Variants in NKAIN4 observed in about 807,000 individuals in gnomAD.
The protein encoded by NKAIN4 is sodium/potassium-transporting ATPase subunit beta-1-interacting protein 4.
In NKAIN4, 28 loss-of-function variants were observed where a neutral mutation model predicts 28.8. That is an observed-to-expected ratio of 0.97 (90% CI 0.72 to 1.33). NKAIN4 has a LOEUF of 1.33. Among genes scored for constraint, NKAIN4 ranks in the 40% most tolerant of loss-of-function variants. The probability of loss-of-function intolerance (pLI) is 0.00; values close to 1 mark genes in which losing one functional copy is unlikely to be tolerated. For missense variants in NKAIN4, 289 were observed against 277.2 expected, an observed-to-expected ratio of 1.04 and a Z score of -0.30; for synonymous variants, 122 against 115.6, an observed-to-expected ratio of 1.06 and a Z score of -0.36.
chr20:63,249,929 A>T lies in NKAIN4; in HGVS notation c.192+6T>A. The stretch of plus-strand genomic sequence containing the variant: ...GCCCATAAAGAGGGCCGGGCCCAGG[A>T]CTCACCACCATGACATAGCGCAGCC... On this transcript the variant is annotated splice_donor_region_variant and intron_variant, in intron 2 of 6. Coordinates refer to ENST00000370316, the MANE Select transcript of NKAIN4 (RefSeq NM_152864.4). The T allele has an allele frequency of 1.2e-6, 2 of 1,611,716 alleles. No homozygotes were observed. The highest frequency in any genetic ancestry group is 1.7e-6 in the Non-Finnish European group (2 of 1,179,104).
chr20:63,244,416 G>A (rs2066819030), intron 4 of NKAIN4: 1 of 504,654 alleles, frequency 2.0e-6, no homozygotes, highest in Admixed American at 2.3e-5. Context: ...AGCCCAGGCT[G>A]GATGAACCCC....
In NKAIN4 at chr20:63,247,573, C is replaced by T. The variant is rs2066882278; in HGVS notation, c.471+5G>A. ...CCACCCGGGGGCCCCCTTCCCCACG[C>T]TCACCGCGATCAGGATCTGCAGGCA... On this transcript the variant is annotated splice_donor_5th_base_variant and intron_variant, in intron 4 of 6. Coordinates refer to ENST00000370316, the MANE Select transcript of NKAIN4 (RefSeq NM_152864.4). 2.6e-6 allele frequency: 4 copies of T among 1,546,532 alleles called. No homozygotes were observed. Among genetic ancestry groups the T allele is most frequent in the South Asian group, 1.2e-5 (1 of 83,224 alleles).
intron 1 of NKAIN4, among the ~76,000 whole-genome samples, chr20:63,251,787 G>A (rs1456732992): frequency 3.3e-5 from 5 of 152,118 alleles, no homozygotes; most frequent in Non-Finnish European, 7.4e-5. Context: ...AACTATTGTT[G>A]TATTATATAT....
In NKAIN4 at chr20:63,247,260, G is replaced by A. The variant is rs76679176; in HGVS notation, c.471+318C>T. On this transcript the variant is annotated intron_variant, in intron 4 of 6. Transcript: ENST00000370316. ...ATGCATGCCCCTCCTCCTTGGGGCCGTCAAAGCCAGAGGCGGGGTGTCTCG... is the reference window on the plus strand; with the variant it reads ...ATGCATGCCCCTCCTCCTTGGGGCCATCAAAGCCAGAGGCGGGGTGTCTCG... The A allele has an allele frequency of 1.8e-3, 2,318 of 1,280,088 alleles. 12 individuals carry two copies. The highest frequency in any genetic ancestry group is 0.015 in the African/African-American group (1,004 of 66,402). 79.3% of individuals were successfully genotyped at this position (1,280,088 alleles called of 1,614,324 possible).
Position 63,241,251 on chromosome 20 carries a change from T to C in NKAIN4, c.*246A>G, listed in dbSNP as rs141566042. On this transcript the variant is annotated 3_prime_UTR_variant, in exon 7 of 7. Coordinates refer to ENST00000370316, the MANE Select transcript of NKAIN4 (RefSeq NM_152864.4). Reference sequence around the variant, plus strand: ...ATGTGGGGTTTTGCCTTTTCTTTTGTATGTTTTCTTTTCTTTTTTTTTTTT... The same window carrying C: ...ATGTGGGGTTTTGCCTTTTCTTTTGCATGTTTTCTTTTCTTTTTTTTTTTT... 164 of 531,384 alleles carry C rather than the reference T, an allele frequency of 3.1e-4. No individual in the cohort carries two copies. Among genetic ancestry groups the C allele is most frequent in the African/African-American group, 3.0e-3 (155 of 50,960 alleles). 32.9% of individuals were successfully genotyped at this position (531,384 alleles called of 1,614,324 possible). A position where few individuals can be genotyped will look rare whatever the true frequency, so the allele number is the denominator to read the frequency against.
chr20:63,249,878 G>A lies in NKAIN4; in HGVS notation c.192+57C>T, dbSNP rs554735941. The A allele has an allele frequency of 5.7e-5, 88 of 1,533,278 alleles. 2 individuals carry two copies. The South Asian group carries it at 8.6e-4, about 15-fold the overall frequency. The allele number at this position is 1,533,278 out of a possible 1,614,324, so 95.0% of individuals were successfully genotyped here. A position where few individuals can be genotyped will look rare whatever the true frequency, so the allele number is the denominator to read the frequency against. ...ATGCCAGGATGGTGCCATGGGAGCC[G>A]CCATCCTGGTCACCTCAACCCACCT... On this transcript the variant is annotated intron_variant, in intron 2 of 6. Coordinates refer to ENST00000370316, the MANE Select transcript of NKAIN4 (RefSeq NM_152864.4).
At chr20:63,251,950 G>A (rs2066967754) in intron 1 of NKAIN4, among the ~76,000 whole-genome samples, 1 of 152,154 alleles carries the variant, frequency 6.6e-6, no homozygotes, top group African/African-American at 2.4e-5. Flanking sequence ...AGCCCCGGGG[G>A]GAAGGTAAGC....
In NKAIN4 at chr20:63,245,437, G is replaced by A. The variant is rs2066838551; in HGVS notation, c.472-1353C>T. Among the ~76,000 whole-genome samples, 1 of 152,042 alleles carries A rather than the reference G, an allele frequency of 6.6e-6. No homozygotes were observed. Among genetic ancestry groups the A allele is most frequent in the South Asian group, 2.1e-4 (1 of 4,826 alleles). ...CATTGGAAGATGCCCCTTCCAGCCG[G>A]TGCCCTCCTGCCTGGGGACCTGCAG... is the stretch of plus-strand genomic sequence containing the variant. On this transcript the variant is annotated intron_variant, in intron 4 of 6. Transcript: ENST00000370316. This position sits in a 1 kb window ranked among gnomAD's most constrained non-coding sequence, Gnocchi z 4.7.
intron 6 of NKAIN4, 120 bp from the exon 7 acceptor site, chr20:63,241,626 A>G: frequency 1.1e-6 from 1 of 883,984 alleles, no homozygotes. Context: ...GGACGGCTTC[A>G]GGCCTTTGGC....
At position 63,241,502 on chromosome 20, in the gene NKAIN4, C is replaced by G; in HGVS notation, c.622G>C (p.Ala208Pro). 1 of 1,550,460 alleles carries G rather than the reference C, an allele frequency of 6.4e-7. No individual in the cohort carries two copies. The highest frequency in any genetic ancestry group is 8.7e-7 in the Non-Finnish European group (1 of 1,146,942). ...AGGATCAGCTGTTTCCTCACTTACG[C>G]AGGCCTGTGGGGACAAGGTCAGAGA... ...SLLSKQVYLP[A>P] Residue 208 changes from alanine to proline, a missense_variant, in exon 7 of 7, where the codon GCG becomes CCG. Ala to Pro is a conservative substitution (Grantham distance 27). Transcript: ENST00000370316.
At chr20:63,244,771 G>C (rs1413370796) in intron 4 of NKAIN4, among the ~76,000 whole-genome samples, 7 of 152,228 alleles carry the variant, frequency 4.6e-5, no homozygotes, top group African/African-American at 1.7e-4. Flanking sequence ...CTGGCAAAGG[G>C]GGGGCAGTGC....
intron 5 of NKAIN4, among the ~76,000 whole-genome samples, chr20:63,243,369 G>T (rs1206262078): frequency 6.6e-6 from 1 of 152,078 alleles, no homozygotes; most frequent in East Asian, 1.9e-4. Flanking sequence ...CCTGGGGACA[G>T]ATGGTTCTGA....
At chr20:63,254,326 T>G in intron 1 of NKAIN4, 71 bp downstream of exon 1, 1 of 1,259,860 alleles carries the variant, frequency 7.9e-7, no homozygotes, top group Non-Finnish European at 1.0e-6. Flanking sequence ...GAGGGACGCT[T>G]CGGGACCCCA....
rs759736299 is a variant in NKAIN4 at position 63,250,061 on chromosome 20, C to A, written c.66G>T (p.Leu22=). The A allele has an allele frequency of 3.8e-6, 6 of 1,577,754 alleles. No homozygotes were observed. The highest frequency in any genetic ancestry group is 5.2e-6 in the Non-Finnish European group (6 of 1,162,888). ...CCAGGAAGTCAAACACCTGCCTCTC[C>A]AGGGCGGCGACCTAGGAGCAGGGCG... is the stretch of plus-strand genomic sequence containing the variant. ...VLCAFQLVAA[L]ERQVFDFLGY... is the part of the protein sequence containing the mutation. The change falls in exon 2 of 7, where the codon CTG becomes CTT. Residue 22 remains leucine (L), a synonymous_variant. Transcript: ENST00000370316.
At chr20:63,244,117 G>A (rs764383832) in intron 4 of NKAIN4, 33 bp from the exon 5 acceptor site, 24 of 1,588,892 alleles carry the variant, frequency 1.5e-5, no homozygotes, top group Middle Eastern at 3.3e-4. Flanking sequence ...GCGTGAGTGC[G>A]GCCAGGCGAG....
upstream of NKAIN4, chr20:63,254,685 T>G: frequency 2.9e-6 from 1 of 341,566 alleles, no homozygotes. Flanking sequence ...GGGACCGTTC[T>G]TAAAGGGGCG....
upstream of NKAIN4, chr20:63,254,470 G>A (rs1404846113): frequency 3.0e-6 from 4 of 1,314,304 alleles, no homozygotes; most frequent in South Asian, 6.2e-5. Flanking sequence ...CTATACAGGA[G>A]GCCCCCGGGT....
intron 4 of NKAIN4, chr20:63,246,776 C>A: frequency 1.0e-6 from 1 of 985,474 alleles, no homozygotes; most frequent in African/African-American, 1.7e-5. Flanking sequence ...GCTGACCGAG[C>A]ACCCTCCACA....
In NKAIN4 at chr20:63,252,542, C is replaced by G. The variant is rs548997508; in HGVS notation, c.54+1855G>C. Among the ~76,000 whole-genome samples, 1 of 152,222 alleles carries G rather than the reference C, an allele frequency of 6.6e-6. No individual in the cohort carries two copies. The highest frequency in any genetic ancestry group is 6.5e-5 in the Admixed American group (1 of 15,306). ...CCCATGCAGTGACTAGAGCTGTGGT[C>G]AAGGACTCTTCTTCCCCAAGGCAGA... is the stretch of plus-strand genomic sequence containing the variant. On this transcript the variant is annotated intron_variant, in intron 1 of 6. Coordinates refer to ENST00000370316, the MANE Select transcript of NKAIN4 (RefSeq NM_152864.4). The surrounding 1 kb of genome is among the most constrained non-coding windows in gnomAD (Gnocchi z 4.6).
Sources: gnomAD v4.1 joint callset for allele counts (sites outside exome capture counted in the v4.1 genomes callset) on GRCh38, gnomAD v4.1.1 for gene constraint, Gnocchi (gnomAD v3.1) non-coding constraint, MANE v1.5 for transcripts, NCBI Gene and HGNC (gene_info 2026-07-23, HGNC 2026-07-21) for gene names.